Variants in FGGY observed in about 807,000 individuals in gnomAD.
FGGY encodes the protein FGGY carbohydrate kinase domain-containing protein.
Under a neutral mutation model 71.3 loss-of-function variants are expected in FGGY, and 72 were observed. The ratio of observed to expected loss-of-function variants is 1.01; its 90% CI spans 0.84 to 1.23. The LOEUF is 1.23. FGGY is among the 50% of genes most tolerant of loss of function. The probability of loss-of-function intolerance (pLI) is 0.00; values close to 1 mark genes in which losing one functional copy is unlikely to be tolerated. For synonymous variants in FGGY, 251 were observed against 250.3 expected (o/e 1.00, Z -0.02); for missense variants, 668 against 682.3 (o/e 0.98, Z 0.23).
chr1:59,345,022 G>T (rs958344021), intron 3 of FGGY, among the ~76,000 whole-genome samples: 6 of 152,068 alleles, frequency 3.9e-5, no homozygotes, highest in South Asian at 2.1e-4. Context: ...TACACTTTGT[G>T]CATTTCCCAG....
At chr1:59,449,038 A>G (rs2072004406) in intron 5 of FGGY, among the ~76,000 whole-genome samples, 1 of 152,224 alleles carries the variant, frequency 6.6e-6, no homozygotes, top group African/African-American at 2.4e-5. Flanking sequence ...TTGATTTCAT[A>G]TACAGTTTTT....
chr1:59,746,097 T>C (rs563670660), intron 14 of FGGY, among the ~76,000 whole-genome samples: 30 of 152,182 alleles, frequency 2.0e-4, no homozygotes, highest in Admixed American at 1.9e-3. Flanking sequence ...ATGATAAACC[T>C]CCAGGTAGAT....
At chr1:59,315,598 G>C (rs995532943) in intron 1 of FGGY, 11 of 152,204 alleles carry the variant, frequency 7.2e-5, no homozygotes, top group Non-Finnish European at 1.6e-4. Flanking sequence ...CCAGGAGCTA[G>C]ATAAGGGCCT....
intron 15 of FGGY, among the ~76,000 whole-genome samples, chr1:59,759,521 GTTT>G (rs1231660877): frequency 3.3e-5 from 5 of 152,208 alleles, no homozygotes; most frequent in African/African-American, 1.2e-4. Context: ...TTTCAGGGAA[GTTT>G]TTAAGTTTTT....
intron 8 of FGGY, among the ~76,000 whole-genome samples, chr1:59,565,012 G>C (rs1222711700): frequency 6.6e-6 from 1 of 152,184 alleles, no homozygotes; most frequent in Non-Finnish European, 1.5e-5. Context: ...GCTCCCTCCT[G>C]ATTGGCAGCA....
intron 7 of FGGY, among the ~76,000 whole-genome samples, chr1:59,519,757 C>A (rs1303597334): frequency 6.6e-6 from 1 of 152,182 alleles, no homozygotes; most frequent in African/African-American, 2.4e-5. Context: ...TCACGATAAG[C>A]CTACAAGGTA....
chr1:59,320,391 C>T (rs2046182059), intron 1 of FGGY, among the ~76,000 whole-genome samples: 1 of 152,084 alleles, frequency 6.6e-6, no homozygotes, highest in Non-Finnish European at 1.5e-5. Context: ...GAAGGTTGCC[C>T]AGGTTGAAAT....
chr1:59,641,204 T>C, intron 11 of FGGY: 1 of 1,171,006 alleles, frequency 8.5e-7, no homozygotes. Context: ...CCTTGTATCA[T>C]TGTCTAACCA....
chr1:59,616,121 C>A (rs1466821701), intron 9 of FGGY, among the ~76,000 whole-genome samples: 1 of 152,158 alleles, frequency 6.6e-6, no homozygotes, highest in Non-Finnish European at 1.5e-5. Context: ...TTTGACCCAG[C>A]CATCCCATTA....
intron 6 of FGGY, among the ~76,000 whole-genome samples, chr1:59,461,169 T>G (rs184349434): frequency 6.6e-6 from 1 of 152,178 alleles, no homozygotes; most frequent in African/African-American, 2.4e-5. Context: ...GCTAAAAACC[T>G]TGAAAAAAGA....
intron 1 of FGGY, among the ~76,000 whole-genome samples, chr1:59,304,166 C>T (rs148381168): frequency 7.2e-5 from 11 of 152,126 alleles, no homozygotes; most frequent in African/African-American, 1.2e-4. Flanking sequence ...AGACCAATGT[C>T]GAGGAGTTTT....
intron 13 of FGGY, among the ~76,000 whole-genome samples, chr1:59,669,713 A>G (rs2097360292): frequency 6.6e-6 from 1 of 151,972 alleles, no homozygotes; most frequent in African/African-American, 2.4e-5. Flanking sequence ...CAGCCTTCTG[A>G]TAGCCAAAAA....
intron 1 of FGGY, among the ~76,000 whole-genome samples, chr1:59,302,560 GAA>G (rs2042932589): frequency 6.6e-6 from 1 of 152,012 alleles, no homozygotes; most frequent in African/African-American, 2.4e-5. Context: ...AGCTAACACA[GAA>G]ACAGAAAACC....
Position 59,587,888 on chromosome 1 carries a change from A to G in FGGY, c.904-19915A>G, listed in dbSNP as rs537099069. 3.3e-5 allele frequency among the ~76,000 whole-genome samples: 5 copies of G among 152,170 alleles called. No homozygotes were observed. The East Asian group carries it at 9.6e-4, about 29-fold the overall frequency. On this transcript the variant is annotated intron_variant, in intron 8 of 15. Transcript: ENST00000303721. Reference sequence around the variant, plus strand: ...AACTGGAAACTCTAAAAAGCAGAGCACCTCTCCTCCTCCAAAGGATCGCAG... The same window carrying G: ...AACTGGAAACTCTAAAAAGCAGAGCGCCTCTCCTCCTCCAAAGGATCGCAG...
intron 7 of FGGY, among the ~76,000 whole-genome samples, chr1:59,546,072 T>G (rs980673602): frequency 2.0e-5 from 3 of 152,164 alleles, no homozygotes; most frequent in Non-Finnish European, 4.4e-5. Flanking sequence ...AATGAACTGT[T>G]ATGCCAAGCC....
intron 14 of FGGY, among the ~76,000 whole-genome samples, chr1:59,744,425 T>C (rs1051229766): frequency 6.6e-6 from 1 of 152,204 alleles, no homozygotes; most frequent in Non-Finnish European, 1.5e-5. Context: ...TTCACCATGT[T>C]GGCCAGGCTG....
At chr1:59,378,647 A>G (rs1169114962) in intron 4 of FGGY, 102 bp from the exon 5 acceptor site, 2 of 933,824 alleles carry the variant, frequency 2.1e-6, no homozygotes, top group Non-Finnish European at 3.3e-6. Flanking sequence ...TTCAATGGGC[A>G]TTGTTGGCTA....
chr1:59,599,095 C>CATTTGTTT (rs375931294), intron 8 of FGGY, among the ~76,000 whole-genome samples: 8 of 151,458 alleles, frequency 5.3e-5, no homozygotes, highest in Admixed American at 4.6e-4. Context: ...TACACATGTT[C>CATTTGTTT]GTTTGTTTGT....
intron 6 of FGGY, among the ~76,000 whole-genome samples, chr1:59,472,914 C>G (rs1441687909): frequency 1.3e-5 from 2 of 152,166 alleles, no homozygotes; most frequent in Admixed American, 1.3e-4. Flanking sequence ...CACTCTGTAT[C>G]TAGCTACTCT....
Sources: gnomAD v4.1 joint callset for allele counts (sites outside exome capture counted in the v4.1 genomes callset) on GRCh38, gnomAD v4.1.1 for gene constraint, MANE v1.5 for transcripts, NCBI Gene and HGNC (gene_info 2026-07-23, HGNC 2026-07-21) for gene names.